Variants in APIP observed in about 807,000 individuals in gnomAD.
APIP encodes the protein methylthioribulose-1-phosphate dehydratase.
Under a neutral mutation model 32.0 loss-of-function variants are expected in APIP, and 32 were observed. That is an observed-to-expected ratio of 1.00 (90% CI 0.76 to 1.34). The LOEUF (loss-of-function observed/expected upper bound fraction) is 1.34. APIP is among the 40% of genes most tolerant of loss of function. The pLI, the probability that APIP is intolerant of heterozygous loss-of-function variation, is 0.00. For synonymous variants in APIP, 92 were observed against 94.8 expected, an observed-to-expected ratio of 0.97 and a Z score of 0.17; for missense variants, 247 against 298.6, an observed-to-expected ratio of 0.83 and a Z score of 1.27.
At chr11:34,907,820 T>C (rs1379881449) in intron 1 of APIP, among the ~76,000 whole-genome samples, 2 of 152,228 alleles carry the variant, frequency 1.3e-5, no homozygotes, top group South Asian at 2.1e-4. Context: ...ATTTTGTATA[T>C]ATCAAAATCA....
intron 5 of APIP, 97 bp downstream of exon 5, chr11:34,888,196 G>A (rs971840313): frequency 1.8e-5 from 21 of 1,151,112 alleles, no homozygotes; most frequent in East Asian, 5.4e-5. Context: ...CAGATCCCAC[G>A]ACATCTCATT....
At chr11:34,883,586 AC>A in intron 5 of APIP, 82 bp from the exon 6 acceptor site, 1 of 1,425,014 alleles carries the variant, frequency 7.0e-7, no homozygotes, top group Non-Finnish European at 9.6e-7. Flanking sequence ...TTTTCAAGTA[AC>A]CAGTTAGACA....
rs776370555 is a variant in APIP at position 34,888,877 on chromosome 11, T to C, written c.208-8A>G. 2.3e-5 allele frequency: 33 copies of C among 1,450,942 alleles called. No homozygotes were observed. Among genetic ancestry groups the C allele is most frequent in the Non-Finnish European group, 2.7e-5 (30 of 1,100,780 alleles). The allele number at this position is 1,450,942 out of a possible 1,614,324, so 89.9% of individuals were successfully genotyped here. ...AACAAACATGTCTTCAGGCTATTTA[T>C]AGAGGGGAAAAAAAGAAAAAAAGAA... On this transcript the variant is annotated splice_region_variant and splice_polypyrimidine_tract_variant and intron_variant, in intron 3 of 6. Transcript: ENST00000395787.
At chr11:34,890,660 C>T in intron 2 of APIP, 108 bp from the exon 3 acceptor site, 2 of 1,144,692 alleles carry the variant, frequency 1.7e-6, no homozygotes, top group Admixed American at 4.5e-5. Context: ...GCAATACAGC[C>T]AGTTGCTTGA....
chr11:34,908,702 A>G (rs761638187), intron 1 of APIP, among the ~76,000 whole-genome samples: 1 of 152,250 alleles, frequency 6.6e-6, no homozygotes, highest in South Asian at 2.1e-4. Context: ...TTCTGAATTA[A>G]CACCAGTAGT....
At chr11:34,907,449 G>A (rs1853476984) in intron 1 of APIP, among the ~76,000 whole-genome samples, 1 of 152,122 alleles carries the variant, frequency 6.6e-6, no homozygotes, top group African/African-American at 2.4e-5. Context: ...TCAAGCTAAA[G>A]CAATAACAAT....
intron 6 of APIP, 29 bp from the exon 7 acceptor site, chr11:34,882,845 T>A (rs1464048332): frequency 4.0e-6 from 6 of 1,485,546 alleles, no homozygotes; most frequent in Non-Finnish European, 5.6e-6. Flanking sequence ...AAAGAACCAG[T>A]GTTTATCGAA....
At position 34,888,810 on chromosome 11, in the gene APIP, C is replaced by T. The variant is rs781461162; in HGVS notation, c.267G>A (p.Ser89=). 5.9e-6 allele frequency: 9 copies of T among 1,519,796 alleles called. No individual in the cohort carries two copies. Among genetic ancestry groups the T allele is most frequent in the East Asian group, 2.6e-5 (1 of 38,330 alleles). 94.1% of individuals were successfully genotyped at this position (1,519,796 alleles called of 1,614,324 possible). A position where few individuals can be genotyped will look rare whatever the true frequency, so the allele number is the denominator to read the frequency against. The change falls in exon 4 of 7, where the codon TCG becomes TCA. Residue 89 remains serine (S), a synonymous_variant. Transcript: ENST00000395787. The part of the protein sequence containing the change: ...NEKDISGPSP[S]KKLKKSQCTP... ...TACACTGGCTTTTTTTTAGCTTCTT[C>T]GATGGCGAAGGTCCACTTATGTCCT...
chr11:34,914,136 C>T (rs1478196660), intron 1 of APIP, among the ~76,000 whole-genome samples: 1 of 152,198 alleles, frequency 6.6e-6, no homozygotes, highest in African/African-American at 2.4e-5. Context: ...ATTCTCTAAC[C>T]CATTCAAGTG....
chr11:34,908,204 C>T (rs1331560229), intron 1 of APIP, among the ~76,000 whole-genome samples: 2 of 152,184 alleles, frequency 1.3e-5, no homozygotes, highest in African/African-American at 4.8e-5. Context: ...AATGAATCTC[C>T]ATTGAACACA....
chr11:34,914,520 G>C (rs1348125323), intron 1 of APIP, among the ~76,000 whole-genome samples: 2 of 152,084 alleles, frequency 1.3e-5, no homozygotes, highest in East Asian at 1.9e-4. Flanking sequence ...CAAATATCTA[G>C]AGGGGCTCAT....
At chr11:34,888,605 GTTGATGTGAGAACTGA>G in intron 4 of APIP, 131 bp downstream of exon 4, 1 of 1,096,756 alleles carries the variant, frequency 9.1e-7, no homozygotes, top group Admixed American at 3.0e-5. Flanking sequence ...TTCCTCATAG[GTTGATGTGAGAACTGA>G]GTAAGTTCAT....
At chr11:34,913,507 G>A (rs542914338) in intron 1 of APIP, among the ~76,000 whole-genome samples, 28 of 152,246 alleles carry the variant, frequency 1.8e-4, no homozygotes, top group Admixed American at 3.9e-4. Context: ...AAGGTGGCAC[G>A]CAGGTTGTTC....
At chr11:34,882,907 T>A (rs1365489729) in intron 6 of APIP, 91 bp from the exon 7 acceptor site, 14 of 883,930 alleles carry the variant, frequency 1.6e-5, no homozygotes, top group African/African-American at 1.5e-4. Flanking sequence ...TGCAGTTAAC[T>A]CTGCTTTGTT....
chr11:34,894,291 A>G (rs1462498379), intron 2 of APIP, among the ~76,000 whole-genome samples: 1 of 152,170 alleles, frequency 6.6e-6, no homozygotes, highest in Non-Finnish European at 1.5e-5. Flanking sequence ...ACAGGTGCTT[A>G]GAAAGCATAC....
chr11:34,894,939 A>G, intron 2 of APIP, 71 bp downstream of exon 2: 1 of 1,330,204 alleles, frequency 7.5e-7, no homozygotes, highest in East Asian at 2.3e-5. Context: ...TTCTTTGGAT[A>G]TAACACATTA....
Position 34,888,866 on chromosome 11 carries a change from C to T in APIP, c.211G>A (p.Glu71Lys), listed in dbSNP as rs1853134556. The T allele has an allele frequency of 6.1e-6, 9 of 1,475,550 alleles. No individual in the cohort carries two copies. In the East Asian group the frequency reaches 2.2e-4, roughly 36 times the overall value. 91.4% of individuals were successfully genotyped at this position (1,475,550 alleles called of 1,614,324 possible). Residue 71 changes from glutamate (E) to lysine (K), a missense_variant, in exon 4 of 7, where the codon GAA (glutamate) becomes AAA (lysine). Glu to Lys is a moderately conservative substitution (Grantham distance 56). Transcript: ENST00000395787. ...TTTATATCACAAACAAACATGTCTTCAGGCTATTTATAGAGGGGAAAAAAA... is the reference window on the plus strand; with the variant it reads ...TTTATATCACAAACAAACATGTCTTTAGGCTATTTATAGAGGGGAAAAAAA... Reference protein sequence around the residue: ...SGVQKERIQPEDMFVCDINEK... With the variant: ...SGVQKERIQPKDMFVCDINEK...
At chr11:34,896,111 A>C (rs544669477) in intron 1 of APIP, among the ~76,000 whole-genome samples, 54 of 152,206 alleles carry the variant, frequency 3.5e-4, no homozygotes, top group Non-Finnish European at 5.6e-4. Flanking sequence ...TAGATGCTGG[A>C]GAGGATGTGG....
intron 1 of APIP, among the ~76,000 whole-genome samples, chr11:34,902,790 G>GT (rs1430589347): frequency 6.6e-6 from 1 of 152,138 alleles, no homozygotes; most frequent in East Asian, 1.9e-4. Context: ...CCTTCAATCT[G>GT]TATGTGTCAG....
Sources: allele counts gnomAD v4.1 joint callset (sites outside exome capture counted in the v4.1 genomes callset), GRCh38; gene constraint gnomAD v4.1.1; transcripts MANE v1.5; gene names NCBI Gene and HGNC (gene_info 2026-07-23, HGNC 2026-07-21).